The following TRPM2 variants were observed in gnomAD, a reference collection of about 807,000 sequenced individuals.
The protein encoded by TRPM2 is transient receptor potential cation channel subfamily M member 2.
TRPM2 carries 161 observed loss-of-function variants against 174.0 expected under a neutral mutation model. That is an observed-to-expected ratio of 0.93 (90% confidence interval 0.81 to 1.05). The LOEUF is 1.05. TRPM2 is among the 50% of genes least tolerant of loss of function. The pLI, the probability that TRPM2 is intolerant of heterozygous loss-of-function variation, is 0.00. For synonymous variants in TRPM2, 954 were observed against 861.3 expected (o/e 1.11, Z -1.88); for missense variants, 2,057 against 2,038.0 (o/e 1.01, Z -0.18).
At chr21:44,427,898 T>G (rs2050864678) in intron 27 of TRPM2, among the ~76,000 whole-genome samples, 1 of 151,844 alleles carries the variant, frequency 6.6e-6, no homozygotes, top group South Asian at 2.1e-4. Flanking sequence ...GCTCTGGTGT[T>G]GGGGGTATGT....
intron 25 of TRPM2, 38 bp downstream of exon 25, chr21:44,425,865 GGGCCCCTGGGGAGGGGAGGGC>G (rs1298703400): frequency 6.7e-7 from 1 of 1,496,732 alleles, no homozygotes; most frequent in African/African-American, 1.4e-5. Context: ...CGGAGTGGCC[GGGCCCCTGGGGAGGGGAGGGC>G]GGCCCTGTCC....
intron 22 of TRPM2, chr21:44,422,130 G>A (rs935028434): frequency 1.1e-6 from 1 of 933,816 alleles, no homozygotes; most frequent in Admixed American, 3.0e-5. Flanking sequence ...GAGCTCCTCA[G>A]CCCGTACCAA....
chr21:44,388,650 C>CAAAAA (rs60322957), intron 9 of TRPM2, among the ~76,000 whole-genome samples: 132 of 82,430 alleles, frequency 1.6e-3, no homozygotes, highest in Non-Finnish European at 2.5e-3. Flanking sequence ...CCTGTCACTA[C>CAAAAA]AAAAAAAAAA....
intron 19 of TRPM2, among the ~76,000 whole-genome samples, chr21:44,411,603 A>G (rs2050109578): frequency 6.6e-6 from 1 of 152,174 alleles, no homozygotes; most frequent in Non-Finnish European, 1.5e-5. Flanking sequence ...CCCTGGCTAG[A>G]ACCTCCAGTA....
At position 44,353,716 on chromosome 21, in the gene TRPM2, CT is replaced by C; in HGVS notation, c.17del (p.Leu6ArgfsTer130). 1 of 1,551,630 alleles carries C rather than the reference CT, an allele frequency of 6.4e-7. No homozygotes were observed. On this transcript the variant is annotated frameshift_variant, in exon 1 of 32. Transcript: ENST00000397928. LOFTEE classifies it high-confidence loss of function. MEPSA[L>X]RKAGSEQEEG... The stretch of plus-strand genomic sequence containing the variant: ...GGGTCTCAGAATGGAGCCCTCAGCC[CT>C]GAGGAAAGCTGGCTCGGAGCAGGAG...
intron 22 of TRPM2, among the ~76,000 whole-genome samples, chr21:44,419,021 T>C (rs1342176792): frequency 6.6e-6 from 1 of 152,222 alleles, no homozygotes; most frequent in Non-Finnish European, 1.5e-5. Context: ...CCATCTTGCT[T>C]CTTTCCAAGG....
At chr21:44,393,996 C>T (rs2049261155) in intron 11 of TRPM2, among the ~76,000 whole-genome samples, 1 of 152,076 alleles carries the variant, frequency 6.6e-6, no homozygotes, top group Non-Finnish European at 1.5e-5. Flanking sequence ...CCTAAGCCTC[C>T]CAAGTAGCTG....
intron 5 of TRPM2, among the ~76,000 whole-genome samples, chr21:44,374,269 C>T (rs992551696): frequency 7.2e-5 from 11 of 152,176 alleles, no homozygotes; most frequent in Non-Finnish European, 1.2e-4. Context: ...CCTTGGCCTC[C>T]CAAAGTGCTG....
At chr21:44,402,437 C>T (rs1007079730) in intron 16 of TRPM2, among the ~76,000 whole-genome samples, 4 of 152,326 alleles carry the variant, frequency 2.6e-5, no homozygotes, top group East Asian at 1.9e-4. Flanking sequence ...TCCATCCTCC[C>T]GGTGATGATG....
chr21:44,378,888 T>G, intron 7 of TRPM2, 109 bp from the exon 8 acceptor site: 6 of 1,162,960 alleles, frequency 5.2e-6, no homozygotes, highest in Admixed American at 4.3e-5. Context: ...GATCTCGGAG[T>G]AGTGTTAGCC....
intron 12 of TRPM2, among the ~76,000 whole-genome samples, chr21:44,397,501 G>C (rs1346607428): frequency 6.6e-6 from 1 of 152,182 alleles, no homozygotes; most frequent in African/African-American, 2.4e-5. Context: ...CGTGCTGTCC[G>C]TCAGGCTTTG....
At position 44,437,168 on chromosome 21, in the gene TRPM2, G is replaced by T. The variant is rs1351676807; in HGVS notation, c.4167+1G>T. On this transcript the variant is annotated splice_donor_variant, in intron 29 of 31. Coordinates refer to ENST00000397928, the MANE Select transcript of TRPM2 (RefSeq NM_003307.4). LOFTEE classifies it high-confidence loss of function. ...CTCCGAGCACTGGGCCCTGCCTGGG[G>T]TAAGGCTGCCGCGTGTGGGACCTCT... 15 of 1,550,942 alleles carry T rather than the reference G, an allele frequency of 9.7e-6. No individual in the cohort carries two copies. The East Asian group carries it at 3.4e-4, about 35-fold the overall frequency.
At position 44,440,893 on chromosome 21, in the gene TRPM2, C is replaced by T; in HGVS notation, c.4374C>T (p.Asn1458=). Reference sequence around the variant, plus strand: ...AGGACCAGAATGACGTGGAGCTGAACAGGCTGAACTCTGTATGTGCCTGGC... The same window carrying T: ...AGGACCAGAATGACGTGGAGCTGAATAGGCTGAACTCTGTATGTGCCTGGC... ...HFQDQNDVEL[N]RLNSNLHACD... is the part of the protein sequence containing the mutation. The change falls in exon 31 of 32, where the codon AAC becomes AAT. Residue 1458 remains asparagine, a synonymous_variant. Transcript: ENST00000397928. The T allele has an allele frequency of 6.2e-7, 1 of 1,613,782 alleles. No homozygotes were observed. The highest frequency in any genetic ancestry group is 1.1e-5 in the South Asian group (1 of 91,076).
rs184365320 is a variant in TRPM2 at position 44,441,587 on chromosome 21, G to A, written c.4387-105G>A. On this transcript the variant is annotated intron_variant, in intron 31 of 31. Transcript: ENST00000397928. ...GCCTCCCATTTCACAGAGGAGTAAA[G>A]GGAGGGTGTGCAGGCCCCAAGCCCT... The A allele has an allele frequency of 8.6e-5, 120 of 1,399,218 alleles. No homozygotes were observed. The East Asian group carries it at 3.0e-3, about 35-fold the overall frequency. The allele number at this position is 1,399,218 out of a possible 1,614,324, so 86.7% of individuals were successfully genotyped here. A position where few individuals can be genotyped will look rare whatever the true frequency, so the allele number is the denominator to read the frequency against.
Position 44,366,981 on chromosome 21 carries a change from GC to G in TRPM2, c.604+48del. 1 of 1,531,070 alleles carries G rather than the reference GC, an allele frequency of 6.5e-7. No homozygotes were observed. The highest frequency in any genetic ancestry group is 8.8e-7 in the Non-Finnish European group (1 of 1,137,548). The allele number at this position is 1,531,070 out of a possible 1,614,324, so 94.8% of individuals were successfully genotyped here. On this transcript the variant is annotated intron_variant, in intron 4 of 31. Transcript: ENST00000397928. The surrounding 1 kb of genome is among the most constrained non-coding windows in gnomAD (Gnocchi z 6.0). Reference sequence around the variant, plus strand: ...CACGAGGCCCCGGCGGGTGGGGTGGGCTGTGGAGGCAGTGCTGGGGCAATCA... The same window carrying G: ...CACGAGGCCCCGGCGGGTGGGGTGGGTGTGGAGGCAGTGCTGGGGCAATCA...
rs1295927305 is a variant in TRPM2 at position 44,354,881 on chromosome 21, G to A, written c.254+145G>A. Reference sequence around the variant, plus strand: ...CTCCATACGAGGCTTAGAGTCCACAGAGCATTTCCACCTAACCCTTGCAAG... The same window carrying A: ...CTCCATACGAGGCTTAGAGTCCACAAAGCATTTCCACCTAACCCTTGCAAG... On this transcript the variant is annotated intron_variant, in intron 2 of 31. Transcript: ENST00000397928. The surrounding 1 kb of genome is among the most constrained non-coding windows in gnomAD (Gnocchi z 4.3). 12 of 728,780 alleles carry A rather than the reference G, an allele frequency of 1.6e-5. No homozygotes were observed. Among genetic ancestry groups the A allele is most frequent in the Admixed American group, 1.4e-4 (6 of 42,576 alleles). The allele number at this position is 728,780 out of a possible 1,614,324, so 45.1% of individuals were successfully genotyped here.
intron 2 of TRPM2, among the ~76,000 whole-genome samples, chr21:44,355,038 C>T (rs988754093): frequency 6.6e-6 from 1 of 151,968 alleles, no homozygotes; most frequent in East Asian, 1.9e-4. Flanking sequence ...AACACAGATG[C>T]ATCCTCTAAT....
At chr21:44,403,610 T>C (rs1569070706) in intron 16 of TRPM2, among the ~76,000 whole-genome samples, 1 of 147,988 alleles carries the variant, frequency 6.8e-6, no homozygotes, top group East Asian at 2.0e-4. Context: ...AGTACACACA[T>C]AGGCACACAC....
chr21:44,414,927 T>G lies in TRPM2; in HGVS notation c.3146+853T>G, dbSNP rs2050228100. 3 of 152,316 alleles carry G rather than the reference T, an allele frequency of 2.0e-5. No individual in the cohort carries two copies. In the South Asian group the frequency reaches 6.2e-4, roughly 32 times the overall value. The allele number at this position is 152,316 out of a possible 1,614,324, so 9.4% of individuals were successfully genotyped here. ...AGTCTCAGCATCCCAGCAGGTGGCT[T>G]CTTTTCCCGTCTGCCATCTGTAAGT... is the stretch of plus-strand genomic sequence containing the variant. On this transcript the variant is annotated intron_variant, in intron 20 of 31. Coordinates refer to ENST00000397928, the MANE Select transcript of TRPM2 (RefSeq NM_003307.4).
Sources: gnomAD v4.1 joint callset for allele counts (sites outside exome capture counted in the v4.1 genomes callset) on GRCh38, gnomAD v4.1.1 for gene constraint, Gnocchi (gnomAD v3.1) non-coding constraint, MANE v1.5 for transcripts, NCBI Gene and HGNC (gene_info 2026-07-23, HGNC 2026-07-21) for gene names.